TNR: variants seen among roughly 807,000 people sequenced by gnomAD.
TNR encodes the protein tenascin-R.
Under a neutral mutation model 150.4 loss-of-function variants are expected in TNR, and 45 were observed. The observed-to-expected ratio is 0.30, with a 90% confidence interval of 0.24 to 0.38. The LOEUF (loss-of-function observed/expected upper bound fraction) is 0.38, where lower values mean the gene tolerates loss of function less well. Ranked by LOEUF, TNR falls within the 10% of genes least tolerant of loss-of-function variation. The pLI is 1.00. For missense variants in TNR, 1,544 were observed against 1,759.1 expected, an observed-to-expected ratio of 0.88 and a Z score of 2.19; for synonymous variants, 687 against 678.4, an observed-to-expected ratio of 1.01 and a Z score of -0.20.
intron 1 of TNR, among the ~76,000 whole-genome samples, chr1:175,726,580 T>G (rs1473235209): frequency 6.6e-6 from 1 of 152,262 alleles, no homozygotes; most frequent in Non-Finnish European, 1.5e-5. Flanking sequence ...AAAGTACCTC[T>G]GCAAAGCAGA....
chr1:175,509,233 G>A (rs1325180004), intron 2 of TNR, among the ~76,000 whole-genome samples: 1 of 152,100 alleles, frequency 6.6e-6, no homozygotes, highest in Non-Finnish European at 1.5e-5. Flanking sequence ...TTTGATAACA[G>A]TAAAAAAAGA....
At chr1:175,520,687 T>C (rs1001963231) in intron 2 of TNR, among the ~76,000 whole-genome samples, 8 of 152,032 alleles carry the variant, frequency 5.3e-5, no homozygotes, top group Admixed American at 2.0e-4. Context: ...TCTCTCTCTC[T>C]CTCTTTCTCT....
intron 2 of TNR, among the ~76,000 whole-genome samples, chr1:175,517,581 GGCC>G (rs1174840966): frequency 6.6e-6 from 1 of 152,242 alleles, no homozygotes; most frequent in Non-Finnish European, 1.5e-5. Flanking sequence ...CAGATTCCTA[GGCC>G]AGTCCCCAAT....
At chr1:175,720,307 C>T in intron 1 of TNR, among the ~76,000 whole-genome samples, 1 of 152,186 alleles carries the variant, frequency 6.6e-6, no homozygotes, top group African/African-American at 2.4e-5. Context: ...ACAAGTTGAT[C>T]ATCTGCAAGC....
chr1:175,580,449 C>T (rs1481104808), intron 1 of TNR, among the ~76,000 whole-genome samples: 1 of 152,152 alleles, frequency 6.6e-6, no homozygotes, highest in Non-Finnish European at 1.5e-5. Context: ...CAAAGCAATG[C>T]CTTTGCTGAT....
chr1:175,368,299 C>A (rs1212512003), intron 9 of TNR, among the ~76,000 whole-genome samples: 1 of 152,212 alleles, frequency 6.6e-6, no homozygotes, highest in Non-Finnish European at 1.5e-5. Flanking sequence ...CCTTTTCTAG[C>A]TTCTAGAGGT....
chr1:175,631,367 C>G (rs1664320693), intron 1 of TNR, among the ~76,000 whole-genome samples: 2 of 152,250 alleles, frequency 1.3e-5, no homozygotes, highest in African/African-American at 4.8e-5. Flanking sequence ...TAAATTACAT[C>G]TACAGGTCTA....
intron 2 of TNR, among the ~76,000 whole-genome samples, chr1:175,419,864 G>T (rs1654673363): frequency 6.6e-6 from 1 of 152,064 alleles, no homozygotes; most frequent in South Asian, 2.1e-4. Context: ...TGCTGTGTGG[G>T]ACTCCTTCTC....
chr1:175,641,796 A>C (rs2101881526), intron 1 of TNR, among the ~76,000 whole-genome samples: 1 of 152,342 alleles, frequency 6.6e-6, no homozygotes, highest in South Asian at 2.1e-4. Context: ...GAGATGTGTT[A>C]GTCAATTATT....
At chr1:175,706,982 C>T (rs190516808) in intron 1 of TNR, among the ~76,000 whole-genome samples, 2 of 152,234 alleles carry the variant, frequency 1.3e-5, no homozygotes, top group Admixed American at 1.3e-4. Context: ...TGGTGAGAAG[C>T]TTACGGTGAT....
intron 11 of TNR, 21 bp from the exon 12 acceptor site, chr1:175,365,300 A>G (rs757790572): frequency 1.9e-6 from 3 of 1,581,692 alleles, no homozygotes; most frequent in South Asian, 1.2e-5. Context: ...AAGGAGATGG[A>G]TGGTCCTGAA....
At chr1:175,579,402 C>T (rs982466709) in intron 1 of TNR, among the ~76,000 whole-genome samples, 4 of 151,944 alleles carry the variant, frequency 2.6e-5, no homozygotes, top group Non-Finnish European at 5.9e-5. Context: ...TGGAGAGGGG[C>T]TTGAAGTATG....
chr1:175,470,736 A>G (rs1390679312), intron 2 of TNR, among the ~76,000 whole-genome samples: 1 of 152,192 alleles, frequency 6.6e-6, no homozygotes, highest in Non-Finnish European at 1.5e-5. Context: ...ATCAAATAGT[A>G]GGGCTTATTC....
rs1204168938 is a variant in TNR at position 175,403,322 on chromosome 1, C to T, written c.794G>A (p.Arg265Lys). 1 of 1,614,202 alleles carries T rather than the reference C, an allele frequency of 6.2e-7. No homozygotes were observed. The highest frequency in any genetic ancestry group is 1.1e-5 in the South Asian group (1 of 91,084). The change falls in exon 4 of 23, where the codon AGG (arginine) becomes AAG (lysine). Residue 265 changes from arginine to lysine, a missense_variant. Physicochemically the swap from Arg to Lys is conservative, Grantham distance 26. Around this residue, in one of 2 missense-constraint regions of TNR, gnomAD observed 1,254 missense variants for 1,329.4 expected, o/e 0.94. Coordinates refer to ENST00000367674, the MANE Select transcript of TNR (RefSeq NM_003285.3). ...CTTCCCCGAACAGTCCCCAGGGCAC[C>T]TCAGTTCCCTGCAGTCCTCGCCAGT... ...PYTGEDCREL[R>K]CPGDCSGKGR...
chr1:175,621,119 CCT>C (rs1216558086), intron 1 of TNR, among the ~76,000 whole-genome samples: 1 of 152,158 alleles, frequency 6.6e-6, no homozygotes, highest in Non-Finnish European at 1.5e-5. Context: ...AGGGTGGAGA[CCT>C]CTTCTTTCCA....
At chr1:175,698,211 T>C (rs74129309) in intron 1 of TNR, among the ~76,000 whole-genome samples, 1,780 of 152,270 alleles carry the variant, frequency 0.012, 40 homozygotes, top group African/African-American at 0.041. Flanking sequence ...CAGTCAAACA[T>C]ACCACATGTC....
intron 1 of TNR, among the ~76,000 whole-genome samples, chr1:175,610,977 T>G (rs958920218): frequency 2.0e-5 from 3 of 152,242 alleles, no homozygotes; most frequent in African/African-American, 7.2e-5. Flanking sequence ...TGAGCCAGTT[T>G]GGTGTGCCCT....
chr1:175,604,033 C>T (rs1663334183), intron 1 of TNR, among the ~76,000 whole-genome samples: 1 of 152,170 alleles, frequency 6.6e-6, no homozygotes, highest in African/African-American at 2.4e-5. Flanking sequence ...GAAGACCCAT[C>T]AGACCCTGAT....
intron 1 of TNR, among the ~76,000 whole-genome samples, chr1:175,727,640 G>T (rs1462250675): frequency 6.6e-6 from 1 of 152,216 alleles, no homozygotes; most frequent in Non-Finnish European, 1.5e-5. Flanking sequence ...GAGGATTCAA[G>T]TGGTGATAAT....
Sources: allele counts gnomAD v4.1 joint callset (sites outside exome capture counted in the v4.1 genomes callset), GRCh38; gene constraint gnomAD v4.1.1; regional missense constraint gnomAD v4.1.1; transcripts MANE v1.5; gene names NCBI Gene and HGNC (gene_info 2026-07-23, HGNC 2026-07-21).